The following NAV3 variants were observed in gnomAD, a reference collection of about 807,000 sequenced individuals.
NAV3 encodes the protein neuron navigator 3, also known as pore membrane and/or filament interacting like protein 1.
In NAV3, 87 loss-of-function variants were observed where a neutral mutation model predicts 244.7. The observed-to-expected ratio is 0.36, with a 90% confidence interval of 0.30 to 0.42. The LOEUF (loss-of-function observed/expected upper bound fraction) is 0.42, where lower values mean the gene tolerates loss of function less well. Ranked by LOEUF, NAV3 falls within the 20% of genes least tolerant of loss-of-function variation. The probability of loss-of-function intolerance (pLI) is 1.00; values close to 1 mark genes in which losing one functional copy is unlikely to be tolerated. For synonymous variants in NAV3, 1,126 were observed against 1,042.2 expected, an observed-to-expected ratio of 1.08 and a Z score of -1.55; for missense variants, 2,663 against 2,893.3, an observed-to-expected ratio of 0.92 and a Z score of 1.83.
chr12:77,789,593 T>C (rs1025483663), intron 2 of NAV3, among the ~76,000 whole-genome samples: 3 of 151,080 alleles, frequency 2.0e-5, no homozygotes, highest in African/African-American at 7.3e-5. Flanking sequence ...GTGGATCACC[T>C]GAGGTCAGGA....
chr12:78,154,067 ATATT>A (rs1295519890), intron 22 of NAV3, among the ~76,000 whole-genome samples: 1 of 147,114 alleles, frequency 6.8e-6, no homozygotes. Flanking sequence ...AATATACTAT[ATATT>A]TATACATGAT....
chr12:78,122,599 A>G (rs922010775), intron 16 of NAV3, among the ~76,000 whole-genome samples, 171 bp downstream of exon 16: 12 of 152,206 alleles, frequency 7.9e-5, no homozygotes, highest in African/African-American at 2.2e-4. Context: ...TTACAGAGGA[A>G]TAGAATCATT....
chr12:77,589,850 C>T (rs550977899), intron 2 of NAV3, among the ~76,000 whole-genome samples: 4 of 152,338 alleles, frequency 2.6e-5, no homozygotes, highest in East Asian at 1.9e-4. Flanking sequence ...CAGGCTTTGG[C>T]GTTAGCCTGG....
chr12:78,162,661 C>G (rs1450648712), intron 23 of NAV3, among the ~76,000 whole-genome samples: 1 of 150,810 alleles, frequency 6.6e-6, no homozygotes, highest in East Asian at 2.0e-4. Flanking sequence ...ATCAGGAGTT[C>G]AAGACCAGCC....
chr12:78,072,885 C>T (rs300423), intron 12 of NAV3, among the ~76,000 whole-genome samples: 18,236 of 93,444 alleles, frequency 0.2, 1,522 homozygotes, highest in African/African-American at 0.27. Context: ...GTTCAATATA[C>T]GCAAATCAAT....
At chr12:77,678,918 A>G (rs958891907) in intron 2 of NAV3, among the ~76,000 whole-genome samples, 1 of 152,154 alleles carries the variant, frequency 6.6e-6, no homozygotes, top group Non-Finnish European at 1.5e-5. Context: ...CTGTTTATCT[A>G]GAAACTTTAT....
chr12:78,076,943 T>C (rs1045516325), intron 12 of NAV3, among the ~76,000 whole-genome samples: 2 of 152,290 alleles, frequency 1.3e-5, no homozygotes, highest in African/African-American at 2.4e-5. Context: ...CTGATGGTAA[T>C]TTACTTTAGA....
At chr12:77,658,086 T>C (rs888701447) in intron 2 of NAV3, among the ~76,000 whole-genome samples, 2 of 151,730 alleles carry the variant, frequency 1.3e-5, no homozygotes, top group Non-Finnish European at 3.0e-5. Flanking sequence ...CTATTCAACA[T>C]AGTGTTGGAA....
intron 2 of NAV3, among the ~76,000 whole-genome samples, chr12:77,630,826 C>T (rs1335532578): frequency 6.6e-6 from 1 of 152,110 alleles, no homozygotes; most frequent in Non-Finnish European, 1.5e-5. Context: ...TTTTAGGCTT[C>T]TTTCACCCTC....
chr12:77,726,976 A>G (rs1270384614), intron 2 of NAV3, among the ~76,000 whole-genome samples: 1 of 151,978 alleles, frequency 6.6e-6, no homozygotes, highest in African/African-American at 2.4e-5. Flanking sequence ...GAACAGTTTT[A>G]ATCGAAGGAG....
At chr12:77,590,616 TAA>T (rs1370006454) in intron 2 of NAV3, among the ~76,000 whole-genome samples, 1 of 152,156 alleles carries the variant, frequency 6.6e-6, no homozygotes, top group Non-Finnish European at 1.5e-5. Context: ...CCCCATGACA[TAA>T]GTTTACCTGT....
intron 28 of NAV3, among the ~76,000 whole-genome samples, chr12:78,178,243 T>C (rs1958337431): frequency 6.7e-6 from 1 of 149,504 alleles, no homozygotes. Flanking sequence ...CACTGCAACC[T>C]CTGCCTCATG....
At chr12:77,927,638 A>T (rs2137263352) in intron 1 of NAV3, among the ~76,000 whole-genome samples, 1 of 152,342 alleles carries the variant, frequency 6.6e-6, no homozygotes, top group African/African-American at 2.4e-5. Flanking sequence ...AAAGAATGTT[A>T]TGTAGCCCTT....
chr12:78,178,242 C>A (rs775237009), intron 28 of NAV3, among the ~76,000 whole-genome samples: 2 of 150,538 alleles, frequency 1.3e-5, no homozygotes, highest in African/African-American at 2.4e-5. Context: ...TCACTGCAAC[C>A]TCTGCCTCAT....
chr12:77,578,296 C>T (rs1049879227), intron 2 of NAV3, among the ~76,000 whole-genome samples: 1 of 152,168 alleles, frequency 6.6e-6, no homozygotes, highest in Non-Finnish European at 1.5e-5. Context: ...CCCCCGGTGA[C>T]TCTAATGCAC....
intron 5 of NAV3, among the ~76,000 whole-genome samples, chr12:77,989,330 A>G (rs981254958): frequency 6.6e-6 from 1 of 152,222 alleles, no homozygotes; most frequent in Non-Finnish European, 1.5e-5. Flanking sequence ...TCACTAACTT[A>G]CACATACATA....
intron 12 of NAV3, among the ~76,000 whole-genome samples, chr12:78,060,139 TGAGCA>T (rs1165396440): frequency 6.6e-6 from 1 of 152,174 alleles, no homozygotes; most frequent in African/African-American, 2.4e-5. Context: ...TTGACTTTGT[TGAGCA>T]GGAAGGGATT....
In NAV3 at chr12:78,122,085, G is replaced by A. The variant is rs2138686937; in HGVS notation, c.3895G>A (p.Gly1299Ser). 1 of 1,614,190 alleles carries A rather than the reference G, an allele frequency of 6.2e-7. No homozygotes were observed. The highest frequency in any genetic ancestry group is 8.5e-7 in the Non-Finnish European group (1 of 1,180,040). The change falls in exon 16 of 40, where the codon GGC becomes AGC. Residue 1299 changes from glycine (G) to serine (S), a missense_variant. Around this residue, in one of 6 missense-constraint regions of NAV3, gnomAD observed 354 missense variants for 413.0 expected, o/e 0.86. Coordinates refer to ENST00000397909, the MANE Select transcript of NAV3 (RefSeq NM_001024383.2). ...ACCGTCGTCCGGTACGGGCAGCATG[G>A]GCAGTGCTGGTGGGCTAAGCGGCAG... Reference protein sequence around the residue: ...ESPSSGTGSMGSAGGLSGSSS... With the variant: ...ESPSSGTGSMSSAGGLSGSSS...
In NAV3 at chr12:77,912,124, A is replaced by G. The variant is rs1403658763; in HGVS notation, c.244-28195A>G. ...TACTGTTTGGGGTGGAATTGTGCCT[A>G]CCAAAAAAGATGTGTTGAAATTCTA... On this transcript the variant is annotated intron_variant, in intron 1 of 39. Coordinates refer to ENST00000397909, the MANE Select transcript of NAV3 (RefSeq NM_001024383.2). 3.3e-5 allele frequency among the ~76,000 whole-genome samples: 5 copies of G among 152,144 alleles called. No homozygotes were observed. The East Asian group carries it at 9.7e-4, about 29-fold the overall frequency.
Sources: gnomAD v4.1 joint callset for allele counts (sites outside exome capture counted in the v4.1 genomes callset) on GRCh38, gnomAD v4.1.1 for gene constraint, gnomAD v4.1.1 regional missense constraint, MANE v1.5 for transcripts, NCBI Gene and HGNC (gene_info 2026-07-23, HGNC 2026-07-21) for gene names.